The following GALM variants were observed in gnomAD, a reference collection of about 807,000 sequenced individuals.
GALM encodes the protein galactose mutarotase.
Under a neutral mutation model 37.4 loss-of-function variants are expected in GALM, and 43 were observed. That is an observed-to-expected ratio of 1.15 (90% CI 0.90 to 1.48). The LOEUF (loss-of-function observed/expected upper bound fraction) is 1.48, where lower values mean the gene tolerates loss of function less well. Ranked by LOEUF, GALM falls within the 40% of genes most tolerant of loss-of-function variation. The pLI, the probability that GALM is intolerant of heterozygous loss-of-function variation, is 0.00. For synonymous variants in GALM, 199 were observed against 170.6 expected, an observed-to-expected ratio of 1.17 and a Z score of -1.30; for missense variants, 456 against 419.1, an observed-to-expected ratio of 1.09 and a Z score of -0.77.
chr2:38,693,915 A>G (rs1029655606), intron 4 of GALM, among the ~76,000 whole-genome samples: 1 of 152,210 alleles, frequency 6.6e-6, no homozygotes, highest in African/African-American at 2.4e-5. Context: ...TGCCAGGCAC[A>G]GTGGCTCACA....
In GALM at chr2:38,712,891, G is replaced by T. The variant is rs561068848; in HGVS notation, c.635-16665G>T. On this transcript the variant is annotated intron_variant, in intron 4 of 6. Transcript: ENST00000272252. ...TAAATCCCCCACATAAAACCATTTT[G>T]TGCCACTGCTCCTGGGCCAAGTGAC... Among the ~76,000 whole-genome samples, 5 of 152,172 alleles carry T rather than the reference G, an allele frequency of 3.3e-5. No homozygotes were observed. The South Asian group carries it at 8.3e-4, about 25-fold the overall frequency.
intron 4 of GALM, among the ~76,000 whole-genome samples, chr2:38,702,932 T>TTATATATATATATA: frequency 7.4e-6 from 1 of 134,874 alleles, no homozygotes; most frequent in African/African-American, 2.8e-5. Flanking sequence ...TATATACTTT[T>TTATATATATATATA]TATATATATA....
intron 2 of GALM, among the ~76,000 whole-genome samples, chr2:38,677,111 T>G (rs956239067): frequency 7.2e-5 from 11 of 152,188 alleles, no homozygotes; most frequent in Admixed American, 6.5e-5. Context: ...CTCCCTGGGG[T>G]GGGAGTGCTT....
At chr2:38,727,080 G>A (rs980188637) in intron 4 of GALM, among the ~76,000 whole-genome samples, 2 of 151,696 alleles carry the variant, frequency 1.3e-5, no homozygotes, top group Non-Finnish European at 2.9e-5. Context: ...GCTGGGCATG[G>A]TGGTGTGCCC....
rs111749426 is a variant in GALM at position 38,723,498 on chromosome 2, A to C, written c.635-6058A>C. Among the ~76,000 whole-genome samples, 311 of 152,260 alleles carry C rather than the reference A, an allele frequency of 2.0e-3. 4 individuals carry two copies. The highest frequency in any genetic ancestry group is 0.01 in the Middle Eastern group (3 of 294). On this transcript the variant is annotated intron_variant, in intron 4 of 6. Transcript: ENST00000272252. ...AGTATGTAACATTTCTCTTTCTAAT[A>C]AAACTCCCGGCCAGGTGCAGCAACT...
chr2:38,682,006 T>G (rs1375728287), intron 3 of GALM, among the ~76,000 whole-genome samples: 1 of 152,196 alleles, frequency 6.6e-6, no homozygotes, highest in African/African-American at 2.4e-5. Context: ...GAAGACCTGG[T>G]TTTTTTAGCT....
At chr2:38,687,119 T>C (rs1267562892) in intron 3 of GALM, among the ~76,000 whole-genome samples, 11 of 152,078 alleles carry the variant, frequency 7.2e-5, no homozygotes, top group Admixed American at 7.2e-4. Flanking sequence ...AATACAGTAG[T>C]CCCAAATTCT....
At chr2:38,672,543 A>C (rs1665136481) in intron 1 of GALM, among the ~76,000 whole-genome samples, 1 of 152,080 alleles carries the variant, frequency 6.6e-6, no homozygotes, top group Non-Finnish European at 1.5e-5. Context: ...TTTTCACATA[A>C]TTTGATACTG....
intron 4 of GALM, among the ~76,000 whole-genome samples, chr2:38,691,532 A>G (rs1360558211): frequency 1.3e-5 from 2 of 151,732 alleles, no homozygotes; most frequent in African/African-American, 4.9e-5. Flanking sequence ...ATTGAAAAAA[A>G]AAATAGCCAG....
intron 4 of GALM, among the ~76,000 whole-genome samples, chr2:38,695,960 A>C (rs1253672917): frequency 2.6e-5 from 4 of 151,990 alleles, no homozygotes; most frequent in Non-Finnish European, 5.9e-5. Flanking sequence ...TAGCCTCCCG[A>C]AGTGCTGGGA....
chr2:38,697,655 T>G (rs1665838884), intron 4 of GALM, among the ~76,000 whole-genome samples: 1 of 152,194 alleles, frequency 6.6e-6, no homozygotes, highest in Admixed American at 6.5e-5. Flanking sequence ...GTGGCCACAG[T>G]GCTCAGTAAA....
intron 1 of GALM, among the ~76,000 whole-genome samples, chr2:38,675,518 G>GGTTTTTTTTTTTTTTTTTTT (rs796150100): frequency 9.5e-6 from 1 of 104,976 alleles, no homozygotes. Flanking sequence ...TGGATTGAGG[G>GGTTTTTTTTTTTTTTTTTTT]TTTTTTTGTT....
intron 3 of GALM, among the ~76,000 whole-genome samples, chr2:38,682,052 A>G (rs1665410143): frequency 6.6e-6 from 1 of 152,208 alleles, no homozygotes; most frequent in African/African-American, 2.4e-5. Flanking sequence ...TAGTAATAAC[A>G]CTACCTACTA....
chr2:38,674,900 C>T (rs910207993), intron 1 of GALM, among the ~76,000 whole-genome samples: 1 of 152,118 alleles, frequency 6.6e-6, no homozygotes, highest in Non-Finnish European at 1.5e-5. Flanking sequence ...AAAGCCTGGG[C>T]ACAGTAACTC....
In GALM at chr2:38,681,427, G is replaced by A. The variant is rs1346394811; in HGVS notation, c.493G>A (p.Ala165Thr). 5 of 1,614,196 alleles carry A rather than the reference G, an allele frequency of 3.1e-6. No homozygotes were observed. The East Asian group carries it at 6.7e-5, about 22-fold the overall frequency. ...GELIVNYRAQ[A>T]SQATPVNLTN... Reference sequence around the variant, plus strand: ...GCTCATAGTCAACTACAGAGCACAAGCCAGTCAGGCCACACCAGTCAACCT... The same window carrying A: ...GCTCATAGTCAACTACAGAGCACAAACCAGTCAGGCCACACCAGTCAACCT... Residue 165 changes from alanine (A) to threonine (T), a missense_variant, in exon 3 of 7, where the codon GCC (alanine) becomes ACC (threonine). Physicochemically the swap from Ala to Thr is moderately conservative, Grantham distance 58. Transcript: ENST00000272252.
intron 1 of GALM, chr2:38,671,454 AG>A (rs1293928966): frequency 6.6e-6 from 1 of 152,180 alleles, no homozygotes; most frequent in African/African-American, 2.4e-5. Flanking sequence ...AGAGACAGAA[AG>A]GAGGGGAAAT....
chr2:38,674,468 G>A (rs551725489), intron 1 of GALM, among the ~76,000 whole-genome samples: 6 of 152,244 alleles, frequency 3.9e-5, no homozygotes, highest in Admixed American at 1.3e-4. Flanking sequence ...GATTACAGGC[G>A]TGAGCCACCG....
chr2:38,692,596 G>C (rs1204743441), intron 4 of GALM, among the ~76,000 whole-genome samples: 1 of 152,144 alleles, frequency 6.6e-6, no homozygotes, highest in Non-Finnish European at 1.5e-5. Flanking sequence ...GCTTAATTTT[G>C]AAAGAAATCC....
chr2:38,720,847 G>A (rs1277684720), intron 4 of GALM, among the ~76,000 whole-genome samples: 1 of 152,178 alleles, frequency 6.6e-6, no homozygotes, highest in African/African-American at 2.4e-5. Context: ...AGGGCTCCAA[G>A]GGCAAATGTC....
Sources: gnomAD v4.1 joint callset for allele counts (sites outside exome capture counted in the v4.1 genomes callset) on GRCh38, gnomAD v4.1.1 for gene constraint, MANE v1.5 for transcripts, NCBI Gene and HGNC (gene_info 2026-07-23, HGNC 2026-07-21) for gene names.